SLC25A46: variants seen among roughly 807,000 people sequenced by gnomAD.
The protein encoded by SLC25A46 is solute carrier family 25 member 46, also known as mitochondrial outer membrane protein SLC25A46.
SLC25A46 carries 39 observed loss-of-function variants against 44.6 expected under a neutral mutation model. That is an observed-to-expected ratio of 0.87 (90% CI 0.68 to 1.14). The LOEUF is 1.14. SLC25A46 is among the 50% of genes most tolerant of loss of function. The pLI is 0.00. For missense variants in SLC25A46, 547 were observed against 522.7 expected (o/e 1.05, Z -0.45); for synonymous variants, 202 against 185.8 (o/e 1.09, Z -0.71).
Position 110,756,779 on chromosome 5 carries a change from CA to C in SLC25A46, c.678+21del, listed in dbSNP as rs773526550. 24 of 1,486,342 alleles carry C rather than the reference CA, an allele frequency of 1.6e-5. No homozygotes were observed. In the Admixed American group the frequency reaches 3.2e-4, roughly 20 times the overall value. 92.1% of individuals were successfully genotyped at this position (1,486,342 alleles called of 1,614,324 possible). A position where few individuals can be genotyped will look rare whatever the true frequency, so the allele number is the denominator to read the frequency against. ...GTGCAGGTGAGCTTTTTTTTACTGT[CA>C]TTTTTTTTTTATTTAAGAATAGTTT... is the stretch of plus-strand genomic sequence containing the variant. On this transcript the variant is annotated intron_variant, in intron 7 of 7. Coordinates refer to ENST00000355943, the MANE Select transcript of SLC25A46 (RefSeq NM_138773.4).
rs1800326281 is a variant in SLC25A46 at position 110,764,027 on chromosome 5, T to G, written c.*2245T>G. 1 of 151,754 alleles carries G rather than the reference T, an allele frequency of 6.6e-6. No individual in the cohort carries two copies. The highest frequency in any genetic ancestry group is 2.4e-5 in the African/African-American group (1 of 41,398). 9.4% of individuals were successfully genotyped at this position (151,754 alleles called of 1,614,324 possible). A position where few individuals can be genotyped will look rare whatever the true frequency, so the allele number is the denominator to read the frequency against. ...AATTGTTATTTTTCTTTAACATGGG[T>G]GCCAAATCAAATATCCATGGGCTAT... On this transcript the variant is annotated 3_prime_UTR_variant, in exon 8 of 8. Coordinates refer to ENST00000355943, the MANE Select transcript of SLC25A46 (RefSeq NM_138773.4).
At chr5:110,743,620 CATAAA>C in intron 2 of SLC25A46, 105 bp from the exon 3 acceptor site, 2 of 552,030 alleles carry the variant, frequency 3.6e-6, no homozygotes, top group Non-Finnish European at 3.0e-6. Flanking sequence ...GAATGGAAAA[CATAAA>C]ATAATGCATG....
At chr5:110,740,130 A>C (rs1006263333) in intron 1 of SLC25A46, among the ~76,000 whole-genome samples, 1 of 152,204 alleles carries the variant, frequency 6.6e-6, no homozygotes, top group Non-Finnish European at 1.5e-5. Context: ...ATTATTCTCC[A>C]TGGGATGTCA....
chr5:110,754,105 A>G (rs1323155728), intron 5 of SLC25A46: 2 of 152,184 alleles, frequency 1.3e-5, no homozygotes, highest in South Asian at 2.1e-4. Flanking sequence ...AAGGTGCTCT[A>G]AGGTCTTAGA....
chr5:110,751,065 A>G (rs1327538061), intron 5 of SLC25A46, among the ~76,000 whole-genome samples: 1 of 152,096 alleles, frequency 6.6e-6, no homozygotes, highest in Non-Finnish European at 1.5e-5. Context: ...AGTAACCTCT[A>G]TTGCATTGTT....
chr5:110,743,208 G>C (rs955780697), intron 2 of SLC25A46, among the ~76,000 whole-genome samples: 1 of 151,954 alleles, frequency 6.6e-6, no homozygotes, highest in Admixed American at 6.5e-5. Context: ...ATAAATATTA[G>C]TCAATTAACA....
chr5:110,753,888 G>A (rs983616115), intron 5 of SLC25A46: 2 of 152,112 alleles, frequency 1.3e-5, no homozygotes, highest in Non-Finnish European at 2.9e-5. Flanking sequence ...ACTTTGTGAG[G>A]CCATGAGTAT....
At chr5:110,751,198 A>AGT (rs1799961581) in intron 5 of SLC25A46, among the ~76,000 whole-genome samples, 6 of 152,334 alleles carry the variant, frequency 3.9e-5, no homozygotes, top group African/African-American at 1.4e-4. Flanking sequence ...AGTGAGGAAA[A>AGT]TAAACAAAAG....
chr5:110,759,713 CTT>C (rs1264585370), intron 7 of SLC25A46, among the ~76,000 whole-genome samples: 1 of 151,944 alleles, frequency 6.6e-6, no homozygotes, highest in Non-Finnish European at 1.5e-5. Context: ...GATGGAAAGT[CTT>C]TGATAGGTTT....
intron 3 of SLC25A46, 72 bp downstream of exon 3, chr5:110,743,859 T>G (rs776319472): frequency 1.3e-5 from 15 of 1,197,864 alleles, no homozygotes; most frequent in Non-Finnish European, 1.6e-5. Context: ...CTCACATAAA[T>G]GACATGAAAC....
intron 1 of SLC25A46, among the ~76,000 whole-genome samples, chr5:110,741,201 T>C (rs1010319260): frequency 1.2e-4 from 18 of 152,198 alleles, no homozygotes; most frequent in Non-Finnish European, 2.2e-4. Context: ...CCCCTGGGGT[T>C]GTAATAGTTC....
At chr5:110,751,262 A>G (rs1214554696) in intron 5 of SLC25A46, among the ~76,000 whole-genome samples, 1 of 152,262 alleles carries the variant, frequency 6.6e-6, no homozygotes, top group Non-Finnish European at 1.5e-5. Flanking sequence ...ACTAAGAACA[A>G]TAATTCCATT....
chr5:110,745,970 A>G (rs1799806791), intron 3 of SLC25A46: 2 of 198,784 alleles, frequency 1.0e-5, no homozygotes, highest in South Asian at 2.6e-4. Context: ...ATGAGTTGGG[A>G]GATGTAATTC....
At chr5:110,740,816 G>A (rs1799661839) in intron 1 of SLC25A46, among the ~76,000 whole-genome samples, 1 of 152,196 alleles carries the variant, frequency 6.6e-6, no homozygotes, top group Non-Finnish European at 1.5e-5. Context: ...GCCGGGCGTG[G>A]TGGCGGATGC....
At chr5:110,746,753 C>G (rs907912639) in intron 4 of SLC25A46, among the ~76,000 whole-genome samples, 11 of 152,062 alleles carry the variant, frequency 7.2e-5, no homozygotes, top group African/African-American at 2.4e-4. Context: ...AAGAAAGGCC[C>G]GAATTGTGTG....
At chr5:110,751,022 C>A (rs1221706589) in intron 5 of SLC25A46, among the ~76,000 whole-genome samples, 1 of 152,114 alleles carries the variant, frequency 6.6e-6, no homozygotes, top group Non-Finnish European at 1.5e-5. Flanking sequence ...AATATATTTT[C>A]ATCATTTTGA....
At chr5:110,752,950 A>G (rs1339853531) in intron 5 of SLC25A46, among the ~76,000 whole-genome samples, 1 of 152,168 alleles carries the variant, frequency 6.6e-6, no homozygotes, top group African/African-American at 2.4e-5. Flanking sequence ...GGCTGGGTTA[A>G]GAAAGGTGGT....
Position 110,761,774 on chromosome 5 carries a change from A to G in SLC25A46, c.1249A>G (p.Asn417Asp). ...KIIYSTLLQN[N>D]I ...TATTTACTCTACACTTCTTCAAAAT[A>G]ACATTTGAGATTTAGGTTCCTTCAC... The change falls in exon 8 of 8, where the codon AAC (asparagine) becomes GAC (aspartate). Residue 417 changes from asparagine (N) to aspartate (D), a missense_variant. Physicochemically the swap from Asn to Asp is conservative, Grantham distance 23. Transcript: ENST00000355943. This position sits in a 1 kb window ranked among gnomAD's most constrained non-coding sequence, Gnocchi z 5.3. 1 of 1,605,842 alleles carries G rather than the reference A, an allele frequency of 6.2e-7. No individual in the cohort carries two copies.
At chr5:110,746,113 A>G (rs1580858672) in intron 3 of SLC25A46, 156 bp from the exon 4 acceptor site, 1 of 610,486 alleles carries the variant, frequency 1.6e-6, no homozygotes, top group Non-Finnish European at 2.9e-6. Context: ...TAGGTTATTT[A>G]AAGCACTTTT....
Sources: gnomAD v4.1 joint callset for allele counts (sites outside exome capture counted in the v4.1 genomes callset) on GRCh38, gnomAD v4.1.1 for gene constraint, Gnocchi (gnomAD v3.1) non-coding constraint, MANE v1.5 for transcripts, NCBI Gene and HGNC (gene_info 2026-07-23, HGNC 2026-07-21) for gene names.